The following SPATA6 variants were observed in gnomAD, a reference collection of about 807,000 sequenced individuals.
SPATA6 encodes spermatogenesis-associated protein 6.
In SPATA6, 56 loss-of-function variants were observed where a neutral mutation model predicts 65.3. That is an observed-to-expected ratio of 0.86 (90% confidence interval 0.69 to 1.07). The LOEUF is 1.07. Ranked by LOEUF, SPATA6 falls within the 50% of genes least tolerant of loss-of-function variation. SPATA6 has a pLI of 0.00. For missense variants in SPATA6, 590 were observed against 594.8 expected (o/e 0.99, Z 0.08); for synonymous variants, 199 against 213.2 (o/e 0.93, Z 0.58).
At chr1:48,331,307 C>T (rs1028679166) in intron 11 of SPATA6, among the ~76,000 whole-genome samples, 6 of 151,586 alleles carry the variant, frequency 4.0e-5, no homozygotes, top group African/African-American at 1.5e-4. Flanking sequence ...CTGCTGAAAC[C>T]CAATGCAAGG....
intron 11 of SPATA6, among the ~76,000 whole-genome samples, chr1:48,321,600 C>T (rs1188978600): frequency 6.6e-6 from 1 of 152,040 alleles, no homozygotes; most frequent in Non-Finnish European, 1.5e-5. Context: ...ACTTTCAGTA[C>T]TAGACAGACA....
At chr1:48,359,041 T>A (rs181244395) in intron 10 of SPATA6, among the ~76,000 whole-genome samples, 4 of 152,326 alleles carry the variant, frequency 2.6e-5, no homozygotes, top group African/African-American at 9.6e-5. Flanking sequence ...ATTTCAATTT[T>A]AAAATATATG....
chr1:48,330,139 A>T (rs1645873939), intron 11 of SPATA6, among the ~76,000 whole-genome samples: 1 of 152,086 alleles, frequency 6.6e-6, no homozygotes, highest in Middle Eastern at 3.2e-3. Context: ...ACTTTGGTTC[A>T]AACTTGGTCA....
chr1:48,363,083 A>C (rs1646867046), intron 9 of SPATA6, among the ~76,000 whole-genome samples: 1 of 152,180 alleles, frequency 6.6e-6, no homozygotes, highest in Non-Finnish European at 1.5e-5. Context: ...ATAGACATGA[A>C]GTAATTGCGC....
At chr1:48,461,061 G>T (rs1247038962) in intron 1 of SPATA6, among the ~76,000 whole-genome samples, 1 of 152,118 alleles carries the variant, frequency 6.6e-6, no homozygotes, top group Non-Finnish European at 1.5e-5. Flanking sequence ...GGTAAGACAG[G>T]AGAGAACAGC....
chr1:48,453,370 A>T (rs1338215561), intron 1 of SPATA6, among the ~76,000 whole-genome samples: 5 of 152,194 alleles, frequency 3.3e-5, no homozygotes, highest in Non-Finnish European at 1.5e-5. Flanking sequence ...CCACATTTGA[A>T]GTTCTATGTA....
At chr1:48,396,773 A>T (rs115785153) in intron 7 of SPATA6, among the ~76,000 whole-genome samples, 1 of 151,746 alleles carries the variant, frequency 6.6e-6, no homozygotes, top group African/African-American at 2.4e-5. Flanking sequence ...GGAGACAGGA[A>T]TGGAAAGTTA....
At chr1:48,457,754 C>A (rs1428354868) in intron 1 of SPATA6, among the ~76,000 whole-genome samples, 1 of 152,154 alleles carries the variant, frequency 6.6e-6, no homozygotes, top group Non-Finnish European at 1.5e-5. Flanking sequence ...TAAAGAGAAT[C>A]TTTCAGGTTG....
intron 9 of SPATA6, among the ~76,000 whole-genome samples, chr1:48,378,487 G>A (rs1391702980): frequency 6.6e-6 from 1 of 152,058 alleles, no homozygotes; most frequent in African/African-American, 2.4e-5. Flanking sequence ...CACAAGACTG[G>A]GAAGAAAAAG....
At chr1:48,426,999 C>A (rs1653899635) in intron 3 of SPATA6, among the ~76,000 whole-genome samples, 1 of 151,770 alleles carries the variant, frequency 6.6e-6, no homozygotes, top group African/African-American at 2.4e-5. Flanking sequence ...AATCATAGCT[C>A]ACTGTACCCT....
At chr1:48,393,028 C>T (rs1650229535) in intron 8 of SPATA6, among the ~76,000 whole-genome samples, 2 of 152,004 alleles carry the variant, frequency 1.3e-5, no homozygotes, top group Admixed American at 1.3e-4. Context: ...TTTTAAAAAT[C>T]ACTATTTGGC....
chr1:48,430,955 T>C (rs1291849558), intron 3 of SPATA6, among the ~76,000 whole-genome samples: 1 of 152,104 alleles, frequency 6.6e-6, no homozygotes, highest in Non-Finnish European at 1.5e-5. Flanking sequence ...AATTAAAGCA[T>C]CTCAGCAAAA....
intron 3 of SPATA6, among the ~76,000 whole-genome samples, chr1:48,427,235 T>C (rs148700937): frequency 3.3e-5 from 5 of 152,024 alleles, no homozygotes; most frequent in Non-Finnish European, 5.9e-5. Flanking sequence ...CAATCAGAAA[T>C]CATTTCATAA....
intron 11 of SPATA6, among the ~76,000 whole-genome samples, chr1:48,329,743 T>A (rs532763635): frequency 2.9e-4 from 44 of 151,816 alleles, no homozygotes; most frequent in Admixed American, 4.6e-4. Context: ...CACAAAGGAG[T>A]AAAGTTGGGC....
At chr1:48,439,988 T>C (rs568938248) in intron 3 of SPATA6, among the ~76,000 whole-genome samples, 4 of 152,300 alleles carry the variant, frequency 2.6e-5, no homozygotes, top group South Asian at 2.1e-4. Flanking sequence ...TTTCTTTTCA[T>C]TGAAGGAGAA....
At chr1:48,409,322 T>C (rs2147971891) in intron 5 of SPATA6, among the ~76,000 whole-genome samples, 1 of 152,370 alleles carries the variant, frequency 6.6e-6, no homozygotes, top group East Asian at 1.9e-4. Context: ...GTCACACTGA[T>C]ACAAGAGGTA....
rs971027706 is a variant in SPATA6 at position 48,380,978 on chromosome 1, G to A, written c.909+4331C>T. Among the ~76,000 whole-genome samples the A allele has an allele frequency of 8.5e-5, 13 of 152,290 alleles. No homozygotes were observed. The East Asian group carries it at 2.5e-3, about 29-fold the overall frequency. ...CGGGGAGGATGTCTGGTTTCAGAAT[G>A]AAACTGTTCCACCTCAGATCATCAG... On this transcript the variant is annotated intron_variant, in intron 9 of 12. Transcript: ENST00000371847.
the SPATA6 span, among the ~76,000 whole-genome samples, chr1:48,272,494 G>A: frequency 6.6e-6 from 1 of 152,108 alleles, no homozygotes; most frequent in African/African-American, 2.4e-5. Flanking sequence ...CTCCATCCAT[G>A]TAGTCACAAA....
chr1:48,262,689 C>G, the SPATA6 span: 7 of 151,986 alleles, frequency 4.6e-5, no homozygotes, highest in Non-Finnish European at 7.4e-5. Flanking sequence ...TAAAAGAACC[C>G]CAACTTTAAA....
Sources: gnomAD v4.1 joint callset for allele counts (sites outside exome capture counted in the v4.1 genomes callset) on GRCh38, gnomAD v4.1.1 for gene constraint, MANE v1.5 for transcripts, NCBI Gene and HGNC (gene_info 2026-07-23, HGNC 2026-07-21) for gene names.